STMN3: variants seen among roughly 807,000 people sequenced by gnomAD.
STMN3 encodes the protein stathmin-3.
STMN3 carries 24 observed loss-of-function variants against 23.2 expected under a neutral mutation model. The ratio of observed to expected loss-of-function variants is 1.03; its 90% CI spans 0.75 to 1.45. The LOEUF is 1.45. Ranked by LOEUF, STMN3 falls within the 40% of genes most tolerant of loss-of-function variation. STMN3 has a pLI of 0.00. For synonymous variants in STMN3, 117 were observed against 103.4 expected (o/e 1.13, Z -0.80); for missense variants, 235 against 237.6 (o/e 0.99, Z 0.07).
At position 63,647,948 on chromosome 20, in the gene STMN3, GTATATA is replaced by G. The variant is rs761022872; in HGVS notation, c.20-3645_20-3640del. Among the ~76,000 whole-genome samples the G allele has an allele frequency of 7.3e-3, 467 of 63,780 alleles. 37 individuals are homozygous for G. Among genetic ancestry groups the G allele is most frequent in the Middle Eastern group, 0.021 (2 of 94 alleles). 41.8% of individuals were successfully genotyped at this position (63,780 alleles called of 152,430 possible). On this transcript the variant is annotated intron_variant, in intron 1 of 4. Transcript: ENST00000370053. Reference sequence around the variant, plus strand: ...TATATACGTATATATGTGTGTGTGTGTATATATATATGTATATATATATATATATAT... The same window carrying G: ...TATATACGTATATATGTGTGTGTGTGTATATGTATATATATATATATATAT...
Position 63,642,094 on chromosome 20 carries a change from C to A in STMN3, c.483+14G>T, listed in dbSNP as rs2089772877. ...CTGCCCGCTCCGAGCTCCGCCCCGG[C>A]CCCGCCCCCGCACCTTCTCGCGCAG... On this transcript the variant is annotated intron_variant, in intron 4 of 4. Transcript: ENST00000370053. 1.4e-6 allele frequency: 2 copies of A among 1,452,118 alleles called. No individual in the cohort carries two copies. The highest frequency in any genetic ancestry group is 3.1e-5 in the East Asian group (1 of 32,628). 90.0% of individuals were successfully genotyped at this position (1,452,118 alleles called of 1,614,324 possible). A position where few individuals can be genotyped will look rare whatever the true frequency, so the allele number is the denominator to read the frequency against.
At chr20:63,643,668 C>T (rs2089785620) in intron 3 of STMN3, 88 bp downstream of exon 3, 1 of 1,446,092 alleles carries the variant, frequency 6.9e-7, no homozygotes, top group African/African-American at 1.5e-5. Flanking sequence ...CCAAGCCTGT[C>T]CGGGAGCACC....
chr20:63,653,284 T>G, intron 1 of STMN3, 43 bp downstream of exon 1: 1 of 1,542,602 alleles, frequency 6.5e-7, no homozygotes, highest in Non-Finnish European at 8.7e-7. Flanking sequence ...AGGCCTCTGC[T>G]CAGATCCCGC....
chr20:63,650,519 G>A (rs2089849936), intron 1 of STMN3, among the ~76,000 whole-genome samples: 1 of 115,468 alleles, frequency 8.7e-6, no homozygotes, highest in African/African-American at 3.5e-5. Flanking sequence ...GGTGGATGGT[G>A]CCCACTCCCA....
rs2738776 is a variant in STMN3 at position 63,641,020 on chromosome 20, T to C, written c.*318A>G. On this transcript the variant is annotated 3_prime_UTR_variant, in exon 5 of 5. Coordinates refer to ENST00000370053, the MANE Select transcript of STMN3 (RefSeq NM_015894.4). ...CCAGACAGCCCAGCGTAAGGACCCG[T>C]GATCCCACGCCACCGCCCTGGGTTT... 236,788 of 447,490 alleles carry C rather than the reference T, an allele frequency of 0.53. 67,727 individuals carry two copies. Among genetic ancestry groups the C allele is most frequent in the Non-Finnish European group, 0.62 (147,796 of 240,016 alleles). The allele number at this position is 447,490 out of a possible 1,614,324, so 27.7% of individuals were successfully genotyped here. A position where few individuals can be genotyped will look rare whatever the true frequency, so the allele number is the denominator to read the frequency against.
chr20:63,642,255 C>T lies in STMN3; in HGVS notation c.336G>A (p.Glu112=), dbSNP rs545388141. The T allele has an allele frequency of 6.9e-5, 106 of 1,546,384 alleles. No homozygotes were observed. The highest frequency in any genetic ancestry group is 9.1e-5 in the Non-Finnish European group (104 of 1,148,078). Residue 112 remains glutamate (E), a synonymous_variant, in exon 4 of 5, where the codon GAG becomes GAA. Coordinates refer to ENST00000370053, the MANE Select transcript of STMN3 (RefSeq NM_015894.4). ...CCTTGTGCAGCACCTCGCGCTCGTG[C>T]TCGCGCCGCTCCGCCAGCTGCTTCA... is the stretch of plus-strand genomic sequence containing the variant. ...QVLKQLAERR[E]HEREVLHKAL...
At chr20:63,650,203 C>T (rs577208013) in intron 1 of STMN3, among the ~76,000 whole-genome samples, 3 of 151,992 alleles carry the variant, frequency 2.0e-5, no homozygotes, top group Non-Finnish European at 4.4e-5. Flanking sequence ...TCTTTCTCAC[C>T]GCCCCCTCCC....
At chr20:63,642,657 C>G (rs1183645194) in intron 3 of STMN3, among the ~76,000 whole-genome samples, 1 of 152,242 alleles carries the variant, frequency 6.6e-6, no homozygotes, top group African/African-American at 2.4e-5. Context: ...AAACCCTAAA[C>G]TTGTGGGCGG....
chr20:63,642,301 T>C lies in STMN3; in HGVS notation c.292-2A>G. On this transcript the variant is annotated splice_acceptor_variant, in intron 3 of 4. Transcript: ENST00000370053. LOFTEE classifies it high-confidence loss of function. Reference sequence around the variant, plus strand: ...CTTCAGCACCTGCGCCTCCTGCGTCTGTGCGGGGCCGGCGGGCGCGCGTGA... The same window carrying C: ...CTTCAGCACCTGCGCCTCCTGCGTCCGTGCGGGGCCGGCGGGCGCGCGTGA... 1 of 1,500,534 alleles carries C rather than the reference T, an allele frequency of 6.7e-7. No homozygotes were observed. 93.0% of individuals were successfully genotyped at this position (1,500,534 alleles called of 1,614,324 possible).
intron 1 of STMN3, among the ~76,000 whole-genome samples, chr20:63,644,782 C>G (rs556995820): frequency 6.6e-6 from 1 of 152,332 alleles, no homozygotes; most frequent in African/African-American, 2.4e-5. Context: ...AACTCCCTCA[C>G]CTTCCATCAT....
intron 1 of STMN3, among the ~76,000 whole-genome samples, chr20:63,649,385 T>G (rs186091372): frequency 1.3e-4 from 20 of 152,216 alleles, no homozygotes; most frequent in Non-Finnish European, 2.6e-4. Flanking sequence ...TTTTCAGAGC[T>G]GGTGAGGCTT....
chr20:63,641,992 C>G, intron 4 of STMN3, 116 bp downstream of exon 4: 1 of 68,670 alleles, frequency 1.5e-5, no homozygotes, highest in Non-Finnish European at 3.0e-5. Context: ...CAGTGCCCCG[C>G]CCCCTGACTG....
chr20:63,649,044 G>A (rs2089838544), intron 1 of STMN3, among the ~76,000 whole-genome samples: 1 of 152,158 alleles, frequency 6.6e-6, no homozygotes, highest in South Asian at 2.1e-4. Flanking sequence ...CCAACTGAGA[G>A]GTGAGGAACT....
At chr20:63,653,202 C>T (rs1601065787) in intron 1 of STMN3, 125 bp downstream of exon 1, 2 of 1,294,164 alleles carry the variant, frequency 1.5e-6, no homozygotes, top group East Asian at 3.1e-5. Flanking sequence ...CGGGCCCAGG[C>T]TTGCAACGCG....
chr20:63,644,184 G>A (rs1225363518), intron 2 of STMN3, 30 bp downstream of exon 2: 2 of 1,591,300 alleles, frequency 1.3e-6, no homozygotes, highest in South Asian at 1.1e-5. Flanking sequence ...AGGCACCGCA[G>A]GGAAGGGCAG....
chr20:63,647,938 G>A (rs189773112), intron 1 of STMN3, among the ~76,000 whole-genome samples: 1,801 of 24,926 alleles, frequency 0.072, 111 homozygotes, highest in African/African-American at 0.23. Context: ...ACGTATATAT[G>A]TGTGTGTGTG....
At chr20:63,648,373 C>T (rs2089834584) in intron 1 of STMN3, among the ~76,000 whole-genome samples, 2 of 152,106 alleles carry the variant, frequency 1.3e-5, no homozygotes, top group Admixed American at 1.3e-4. Flanking sequence ...ACTCTGCCAG[C>T]AACCAGCTCC....
At chr20:63,645,698 A>G (rs1569069051) in intron 1 of STMN3, among the ~76,000 whole-genome samples, 2 of 152,154 alleles carry the variant, frequency 1.3e-5, no homozygotes, top group Non-Finnish European at 2.9e-5. Context: ...TTTAACTGTA[A>G]TCCCAGCACT....
rs1241218689 is a variant in STMN3, at chr20:63,647,635, C to CAT, written c.20-3328_20-3327dup. Among the ~76,000 whole-genome samples, 280 of 137,150 alleles carry CAT rather than the reference C, an allele frequency of 2.0e-3. 4 individuals are homozygous for CAT. In the East Asian group the frequency reaches 0.023, roughly 11 times the overall value. The allele number at this position is 137,150 out of a possible 152,430, so 90.0% of individuals were successfully genotyped here. On this transcript the variant is annotated intron_variant, in intron 1 of 4. Transcript: ENST00000370053. ...TGTCTCAAAAACAAACACAAACAAA[C>CAT]ATATATATATATACATGTATATATA...
Sources: allele counts gnomAD v4.1 joint callset (sites outside exome capture counted in the v4.1 genomes callset), GRCh38; gene constraint gnomAD v4.1.1; transcripts MANE v1.5; gene names NCBI Gene and HGNC (gene_info 2026-07-23, HGNC 2026-07-21).